IFT81: variants seen among roughly 807,000 people sequenced by gnomAD.
IFT81 encodes intraflagellar transport protein 81 homolog.
A neutral mutation model predicts 102.6 loss-of-function variants in IFT81; 72 were observed. The observed-to-expected ratio is 0.70, with a 90% confidence interval of 0.58 to 0.85. The LOEUF is 0.85. IFT81 is among the 40% of genes least tolerant of loss of function. The pLI, the probability that IFT81 is intolerant of heterozygous loss-of-function variation, is 0.00. For synonymous variants in IFT81, 237 were observed against 242.7 expected (o/e 0.98, Z 0.22); for missense variants, 723 against 787.3 (o/e 0.92, Z 0.98).
chr12:110,163,120 T>A, intron 11 of IFT81, 55 bp downstream of exon 11: 1 of 1,414,316 alleles, frequency 7.1e-7, no homozygotes, highest in Non-Finnish European at 9.8e-7. Context: ...TATGTGAAAC[T>A]ATTAGTGTGT....
chr12:110,146,701 G>T (rs1249226581), intron 9 of IFT81, among the ~76,000 whole-genome samples: 2 of 151,966 alleles, frequency 1.3e-5, no homozygotes, highest in Non-Finnish European at 2.9e-5. Context: ...GGGTGCCATG[G>T]CTCACGTCTG....
intron 11 of IFT81, among the ~76,000 whole-genome samples, chr12:110,167,245 T>G (rs1896487405): frequency 6.6e-6 from 1 of 152,186 alleles, no homozygotes; most frequent in South Asian, 2.1e-4. Flanking sequence ...CCATTGTACT[T>G]TATCATTTTA....
chr12:110,184,830 T>C (rs1897453166), intron 12 of IFT81, among the ~76,000 whole-genome samples: 2 of 152,214 alleles, frequency 1.3e-5, no homozygotes, highest in Admixed American at 1.3e-4. Context: ...TACTCAGTCA[T>C]TGGCTAAGAG....
Position 110,135,372 on chromosome 12 carries a change from CA to C in IFT81, c.633del (p.Gln211HisfsTer37). 6.2e-7 allele frequency: 1 copy of C among 1,613,260 alleles called. No individual in the cohort carries two copies. The highest frequency in any genetic ancestry group is 8.5e-7 in the Non-Finnish European group (1 of 1,179,564). On this transcript the variant is annotated frameshift_variant, in exon 7 of 19. Coordinates refer to ENST00000242591, the MANE Select transcript of IFT81 (RefSeq NM_014055.4). LOFTEE classifies it high-confidence loss of function. ...TCAATGGATGCTTAAAATAGCAAGGCAACTTCGAGTTGAAAAAGAGAGAGAA... is the reference window on the plus strand; with the variant it reads ...TCAATGGATGCTTAAAATAGCAAGGCACTTCGAGTTGAAAAAGAGAGAGAA... ...NHQWMLKIAR[Q>X]LRVEKEREEY...
intron 3 of IFT81, 62 bp downstream of exon 3, chr12:110,128,211 A>G: frequency 2.1e-6 from 2 of 975,174 alleles, no homozygotes; most frequent in Non-Finnish European, 3.3e-6. Flanking sequence ...ACCTTCATAT[A>G]CTGCAATCAA....
chr12:110,207,551 T>C (rs1868805990), intron 17 of IFT81, among the ~76,000 whole-genome samples: 1 of 150,422 alleles, frequency 6.6e-6, no homozygotes, highest in African/African-American at 2.4e-5. Flanking sequence ...CCCTCGTCCT[T>C]CAGTCTTTTT....
chr12:110,182,430 C>T (rs1897343105), intron 12 of IFT81, among the ~76,000 whole-genome samples: 1 of 152,186 alleles, frequency 6.6e-6, no homozygotes. Flanking sequence ...GCTAGTACCT[C>T]CTCTGGTTTA....
intron 14 of IFT81, among the ~76,000 whole-genome samples, chr12:110,195,779 C>T (rs1262538880): frequency 2.0e-5 from 3 of 152,158 alleles, no homozygotes; most frequent in Non-Finnish European, 4.4e-5. Context: ...CTCATAAGAA[C>T]AATATTCCCT....
At chr12:110,153,255 A>G (rs1352802852) in intron 10 of IFT81, among the ~76,000 whole-genome samples, 1 of 152,176 alleles carries the variant, frequency 6.6e-6, no homozygotes, top group Non-Finnish European at 1.5e-5. Flanking sequence ...TATTTTTGAG[A>G]CGAAGTTTCG....
intron 14 of IFT81, among the ~76,000 whole-genome samples, chr12:110,197,633 C>A (rs1898073487): frequency 6.8e-6 from 1 of 147,528 alleles, no homozygotes; most frequent in African/African-American, 2.5e-5. Context: ...AATACAGGAA[C>A]CTTAGAATAA....
chr12:110,180,957 G>A (rs567706603), intron 12 of IFT81, among the ~76,000 whole-genome samples: 2 of 152,328 alleles, frequency 1.3e-5, no homozygotes, highest in African/African-American at 4.8e-5. Context: ...CCAGGGAAGT[G>A]CTGTGTGGAA....
chr12:110,175,350 G>A (rs1013062743), intron 11 of IFT81, among the ~76,000 whole-genome samples: 8 of 152,148 alleles, frequency 5.3e-5, no homozygotes, highest in African/African-American at 9.7e-5. Context: ...TTTGTGGCAC[G>A]TGCATGTACC....
At chr12:110,154,998 A>G (rs1443362200) in intron 10 of IFT81, among the ~76,000 whole-genome samples, 1 of 149,976 alleles carries the variant, frequency 6.7e-6, no homozygotes, top group African/African-American at 2.4e-5. Context: ...TTATTATACA[A>G]TTGTCTTTTT....
At chr12:110,216,222 G>A (rs936379031) in intron 18 of IFT81, among the ~76,000 whole-genome samples, 5 of 151,586 alleles carry the variant, frequency 3.3e-5, no homozygotes, top group African/African-American at 9.7e-5. Flanking sequence ...ACAGGATCTC[G>A]CTCTGTTGCC....
At chr12:110,173,161 A>G (rs1593333532) in intron 11 of IFT81, among the ~76,000 whole-genome samples, 1 of 113,942 alleles carries the variant, frequency 8.8e-6, no homozygotes, top group Non-Finnish European at 1.8e-5. Flanking sequence ...TCCAGGAGGG[A>G]GGTGGGGGGG....
chr12:110,202,951 C>G (rs1022214761), intron 14 of IFT81, among the ~76,000 whole-genome samples: 1 of 152,248 alleles, frequency 6.6e-6, no homozygotes, highest in Middle Eastern at 3.4e-3. Flanking sequence ...TCTTCAGCCT[C>G]CCCTCACCAT....
At chr12:110,177,522 A>G (rs1182820872) in intron 11 of IFT81, among the ~76,000 whole-genome samples, 1 of 152,120 alleles carries the variant, frequency 6.6e-6, no homozygotes, top group Non-Finnish European at 1.5e-5. Flanking sequence ...GAGCTCACGC[A>G]GTCCCCCCAC....
intron 10 of IFT81, 47 bp downstream of exon 10, chr12:110,147,095 C>A: frequency 7.0e-7 from 1 of 1,429,398 alleles, no homozygotes; most frequent in Non-Finnish European, 9.6e-7. Flanking sequence ...TAAGCATATT[C>A]ATGAACCACT....
At chr12:110,197,689 A>AT (rs937583529) in intron 14 of IFT81, among the ~76,000 whole-genome samples, 2 of 150,154 alleles carry the variant, frequency 1.3e-5, no homozygotes, top group African/African-American at 4.9e-5. Flanking sequence ...ATCCTCCGGC[A>AT]TTTTTTTTAT....
Sources: allele counts gnomAD v4.1 joint callset (sites outside exome capture counted in the v4.1 genomes callset), GRCh38; gene constraint gnomAD v4.1.1; transcripts MANE v1.5; gene names NCBI Gene and HGNC (gene_info 2026-07-23, HGNC 2026-07-21).